Variants in NRG3 observed in about 807,000 individuals in gnomAD.
NRG3 encodes pro-neuregulin-3, membrane-bound isoform.
NRG3 carries 31 observed loss-of-function variants against 66.9 expected under a neutral mutation model. The ratio of observed to expected loss-of-function variants is 0.46; its 90% CI spans 0.35 to 0.63. NRG3 has a LOEUF of 0.63. Ranked by LOEUF, NRG3 falls within the 20% of genes least tolerant of loss-of-function variation. NRG3 has a pLI of 0.00. For missense variants in NRG3, 910 were observed against 878.9 expected (o/e 1.04, Z -0.45); for synonymous variants, 393 against 359.4 (o/e 1.09, Z -1.06).
intron 2 of NRG3, among the ~76,000 whole-genome samples, chr10:82,589,437 A>G (rs688763): frequency 0.088 from 13,386 of 152,214 alleles, 649 homozygotes; most frequent in East Asian, 0.15. Context: ...TCACTACTAG[A>G]GAGAAACTTC....
At chr10:82,152,141 G>A (rs1446909552) in intron 1 of NRG3, among the ~76,000 whole-genome samples, 2 of 152,144 alleles carry the variant, frequency 1.3e-5, no homozygotes, top group Non-Finnish European at 2.9e-5. Flanking sequence ...TACCGTGAAA[G>A]CAGCCACAGA....
Position 82,589,154 on chromosome 10 carries a change from T to C in NRG3, c.954-149423T>C, listed in dbSNP as rs538669440. On this transcript the variant is annotated intron_variant, in intron 2 of 8. Transcript: ENST00000372141. ...TCTCTCCCAGATCCTGCTTGGAAAA[T>C]TGCCGCTGTTCATATCAATTATTTT... is the stretch of plus-strand genomic sequence containing the variant. 3.3e-5 allele frequency among the ~76,000 whole-genome samples: 5 copies of C among 152,144 alleles called. No homozygotes were observed. The South Asian group carries it at 1.0e-3, about 32-fold the overall frequency.
At chr10:82,594,894 A>G (rs1261926906) in intron 2 of NRG3, among the ~76,000 whole-genome samples, 1 of 152,200 alleles carries the variant, frequency 6.6e-6, no homozygotes, top group African/African-American at 2.4e-5. Flanking sequence ...TCTCAAAAAA[A>G]AAATCTGCAT....
intron 7 of NRG3, 51 bp from the exon 8 acceptor site, chr10:82,978,899 C>T: frequency 6.3e-7 from 1 of 1,577,768 alleles, no homozygotes; most frequent in East Asian, 2.3e-5. Context: ...GAGGTTATTG[C>T]TATGATGTCT....
intron 1 of NRG3, among the ~76,000 whole-genome samples, chr10:82,274,261 G>T (rs927465253): frequency 3.3e-5 from 5 of 152,036 alleles, no homozygotes. Flanking sequence ...AGCAAAATAT[G>T]GTGGCAGAGT....
At chr10:82,928,373 C>T (rs191715209) in intron 4 of NRG3, among the ~76,000 whole-genome samples, 4 of 152,038 alleles carry the variant, frequency 2.6e-5, no homozygotes, top group Admixed American at 2.0e-4. Flanking sequence ...TTGGCTTTTG[C>T]TGCCATTGCT....
rs982979216 is a variant in NRG3 at position 82,865,355 on chromosome 10, T to A, written c.1028-56T>A. On this transcript the variant is annotated intron_variant, in intron 3 of 8. Transcript: ENST00000372141. ...CACTGATTTCCATGTATAGAGCTTTTTCTAACCTTTTTCTCTTTTTCTCTT... is the reference window on the plus strand; with the variant it reads ...CACTGATTTCCATGTATAGAGCTTTATCTAACCTTTTTCTCTTTTTCTCTT... The A allele has an allele frequency of 2.3e-5, 37 of 1,597,904 alleles. No homozygotes were observed. The East Asian group carries it at 4.5e-4, about 19-fold the overall frequency.
chr10:82,898,792 G>C (rs2131858605), intron 4 of NRG3, among the ~76,000 whole-genome samples: 1 of 143,008 alleles, frequency 7.0e-6, no homozygotes, highest in East Asian at 2.1e-4. Flanking sequence ...TGCGATCTTG[G>C]CTCACTGCAG....
chr10:82,000,865 GT>G (rs1335808972), intron 1 of NRG3, among the ~76,000 whole-genome samples: 2 of 152,124 alleles, frequency 1.3e-5, no homozygotes, highest in African/African-American at 4.8e-5. Flanking sequence ...TTGTTTTTCA[GT>G]GGTCTTGCCA....
At chr10:82,255,590 T>TAA (rs1345631897) in intron 1 of NRG3, among the ~76,000 whole-genome samples, 1 of 151,692 alleles carries the variant, frequency 6.6e-6, no homozygotes, top group Non-Finnish European at 1.5e-5. Context: ...CTTTTTTTTT[T>TAA]AAAAAACAAA....
At chr10:82,331,719 G>T (rs958515993) in intron 1 of NRG3, among the ~76,000 whole-genome samples, 1 of 152,078 alleles carries the variant, frequency 6.6e-6, no homozygotes, top group African/African-American at 2.4e-5. Flanking sequence ...GGAAAAAGCT[G>T]GTTTGACCAT....
intron 3 of NRG3, among the ~76,000 whole-genome samples, chr10:82,749,758 G>A (rs1249615247): frequency 5.4e-5 from 8 of 149,096 alleles, no homozygotes. Flanking sequence ...TTTCCAAAGG[G>A]TTCACTTTTG....
At chr10:82,404,952 A>G (rs532605720) in intron 2 of NRG3, among the ~76,000 whole-genome samples, 5 of 152,224 alleles carry the variant, frequency 3.3e-5, no homozygotes, top group South Asian at 4.1e-4. Flanking sequence ...GGATGAGTGG[A>G]TTAAATCTTT....
chr10:81,878,293 T>G (rs144047461), intron 1 of NRG3, among the ~76,000 whole-genome samples: 2 of 152,328 alleles, frequency 1.3e-5, no homozygotes, highest in East Asian at 3.9e-4. Context: ...CTCTTTCTCT[T>G]TTTTAAACCT....
At chr10:82,015,069 G>A (rs193254548) in intron 1 of NRG3, among the ~76,000 whole-genome samples, 5 of 152,242 alleles carry the variant, frequency 3.3e-5, no homozygotes, top group Admixed American at 2.6e-4. Flanking sequence ...CACATCAGAA[G>A]TTTTTCTTTT....
intron 2 of NRG3, among the ~76,000 whole-genome samples, chr10:82,647,311 T>C (rs1050441343): frequency 6.6e-6 from 1 of 152,150 alleles, no homozygotes; most frequent in Non-Finnish European, 1.5e-5. Context: ...AGTTTCATCC[T>C]TGTCCCTACA....
chr10:82,552,300 AT>A (rs560743058), intron 2 of NRG3, among the ~76,000 whole-genome samples: 1 of 152,044 alleles, frequency 6.6e-6, no homozygotes, highest in Non-Finnish European at 1.5e-5. Context: ...CAAGATAATG[AT>A]TTTTTTCCTA....
intron 2 of NRG3, among the ~76,000 whole-genome samples, chr10:82,444,899 A>G (rs1377772401): frequency 2.0e-5 from 3 of 152,200 alleles, no homozygotes; most frequent in Non-Finnish European, 4.4e-5. Context: ...AGAACCAACA[A>G]AGATGGATTT....
At chr10:82,050,045 A>G (rs1224204736) in intron 1 of NRG3, among the ~76,000 whole-genome samples, 1 of 151,972 alleles carries the variant, frequency 6.6e-6, no homozygotes, top group Non-Finnish European at 1.5e-5. Context: ...CTTCCTTTCC[A>G]GTGTTTTCTC....
Sources: allele counts gnomAD v4.1 joint callset (sites outside exome capture counted in the v4.1 genomes callset), GRCh38; gene constraint gnomAD v4.1.1; transcripts MANE v1.5; gene names NCBI Gene and HGNC (gene_info 2026-07-23, HGNC 2026-07-21).